Variants in CIROZ observed in about 807,000 individuals in gnomAD.
CIROZ encodes the protein ciliated left-right organizer ZP-N domains-containing protein.
the CIROZ span, among the ~76,000 whole-genome samples, chr1:10,968,470 T>C: frequency 6.6e-6 from 1 of 152,240 alleles, no homozygotes; most frequent in Non-Finnish European, 1.5e-5. Flanking sequence ...CTTCCACCGC[T>C]ATCTTTAGCA....
At chr1:10,978,345 A>G in the CIROZ span, among the ~76,000 whole-genome samples, 1 of 151,584 alleles carries the variant, frequency 6.6e-6, no homozygotes, top group Admixed American at 6.6e-5. Flanking sequence ...CACTGCACCG[A>G]GCCCCCAAAT....
At chr1:10,981,594 T>G in the CIROZ span, among the ~76,000 whole-genome samples, 1 of 152,092 alleles carries the variant, frequency 6.6e-6, no homozygotes, top group African/African-American at 2.4e-5. Flanking sequence ...TCCTAATCCT[T>G]ACAATCGAAT....
chr1:10,955,662 G>A, the CIROZ span, among the ~76,000 whole-genome samples: 1 of 151,990 alleles, frequency 6.6e-6, no homozygotes, highest in African/African-American at 2.4e-5. Context: ...GGCCTACATG[G>A]TGAAACCCCA....
chr1:10,954,920 G>T, the CIROZ span: 1 of 1,465,124 alleles, frequency 6.8e-7, no homozygotes, highest in Non-Finnish European at 9.3e-7. Flanking sequence ...ACCACATATG[G>T]CATCGGTGAC....
At chr1:10,949,136 A>G in the CIROZ span, 1 of 277,326 alleles carries the variant, frequency 3.6e-6, no homozygotes, top group Non-Finnish European at 6.7e-6. Context: ...AGGCAGAAGG[A>G]TCGCCTGAAT....
At chr1:10,948,456 G>C in the CIROZ span, 1 of 1,613,844 alleles carries the variant, frequency 6.2e-7, no homozygotes. Flanking sequence ...CAGCAGGAGG[G>C]GACTTCCTGG....
the CIROZ span, among the ~76,000 whole-genome samples, chr1:10,953,859 C>A: frequency 2.6e-5 from 4 of 152,200 alleles, no homozygotes; most frequent in East Asian, 1.9e-4. Flanking sequence ...CCAGTTCCAG[C>A]CAGTATGTCT....
chr1:10,948,306 GGAGAACGGT>G, the CIROZ span: 3 of 1,613,652 alleles, frequency 1.9e-6, no homozygotes, highest in Admixed American at 3.3e-5. Context: ...GGGCTCTCCG[GGAGAACGGT>G]GAGAAACCAG....
the CIROZ span, chr1:10,955,041 G>A: frequency 1.2e-6 from 2 of 1,613,458 alleles, no homozygotes; most frequent in Non-Finnish European, 8.5e-7. Flanking sequence ...CAAAGTCCTT[G>A]TTCTCAGTCA....
At chr1:10,958,704 G>T in the CIROZ span, 12 of 1,614,102 alleles carry the variant, frequency 7.4e-6, no homozygotes, top group Non-Finnish European at 1.0e-5. Flanking sequence ...CTTCAATGGG[G>T]CCCGCTTACC....
At chr1:10,959,386 C>T in the CIROZ span, among the ~76,000 whole-genome samples, 1 of 152,142 alleles carries the variant, frequency 6.6e-6, no homozygotes, top group African/African-American at 2.4e-5. The surrounding 1 kb of genome is among the most constrained non-coding windows in gnomAD (Gnocchi z 4.3). Context: ...ACCATTCTCC[C>T]GTTTCACAGA....
the CIROZ span, chr1:10,956,931 A>T: frequency 9.0e-7 from 1 of 1,115,084 alleles, no homozygotes; most frequent in Non-Finnish European, 1.3e-6. Context: ...GGGATGAGAC[A>T]GAGGGGAATA....
the CIROZ span, among the ~76,000 whole-genome samples, chr1:10,977,030 A>G: frequency 2.0e-5 from 3 of 151,950 alleles, no homozygotes; most frequent in African/African-American, 7.3e-5. Context: ...ATGGTGGCGC[A>G]TGCCTGTAGT....
the CIROZ span, among the ~76,000 whole-genome samples, chr1:10,980,454 C>T: frequency 0.053 from 8,099 of 152,318 alleles, 540 homozygotes; most frequent in African/African-American, 0.15. Context: ...CTCCCAGCAG[C>T]GGGGAGGCGC....
the CIROZ span, chr1:10,953,907 G>T: frequency 6.9e-7 from 1 of 1,441,186 alleles, no homozygotes; most frequent in Non-Finnish European, 9.2e-7. Context: ...GATCTGTCGG[G>T]TCCAGGGAGT....
At chr1:10,966,603 G>T in the CIROZ span, 1 of 1,107,418 alleles carries the variant, frequency 9.0e-7, no homozygotes, top group Non-Finnish European at 1.2e-6. Context: ...TACCTGGAAG[G>T]GATAAAAATA....
chr1:10,951,745 A>AAAAATATAT, the CIROZ span, among the ~76,000 whole-genome samples: 6 of 119,200 alleles, frequency 5.0e-5, no homozygotes, highest in Non-Finnish European at 8.3e-5. Flanking sequence ...AAAAAAAAAA[A>AAAAATATAT]ATATATATAT....
the CIROZ span, among the ~76,000 whole-genome samples, chr1:10,972,527 CT>C: frequency 6.6e-6 from 1 of 151,944 alleles, no homozygotes; most frequent in Non-Finnish European, 1.5e-5. Context: ...GGGCTAATTT[CT>C]CTCTCAACAG....
At chr1:10,947,238 C>A in the CIROZ span, among the ~76,000 whole-genome samples, 1 of 152,244 alleles carries the variant, frequency 6.6e-6, no homozygotes, top group Admixed American at 6.5e-5. Flanking sequence ...GGCTGCAAAG[C>A]CTGCACCTCA....
Sources: gnomAD v4.1 joint callset for allele counts (sites outside exome capture counted in the v4.1 genomes callset) on GRCh38, gnomAD v4.1.1 for gene constraint, Gnocchi (gnomAD v3.1) non-coding constraint, MANE v1.5 for transcripts, NCBI Gene and HGNC (gene_info 2026-07-23, HGNC 2026-07-21) for gene names.